The following QRICH2 variants were observed in gnomAD, a reference collection of about 807,000 sequenced individuals.
The protein encoded by QRICH2 is glutamine rich 2, also known as glutamine-rich protein 2.
A neutral mutation model predicts 168.3 loss-of-function variants in QRICH2; 119 were observed. That is an observed-to-expected ratio of 0.71 (90% CI 0.61 to 0.82). QRICH2 has a LOEUF of 0.82. Ranked by LOEUF, QRICH2 falls within the 40% of genes least tolerant of loss-of-function variation. The pLI, the probability that QRICH2 is intolerant of heterozygous loss-of-function variation, is 0.00. For synonymous variants in QRICH2, 894 were observed against 951.2 expected (o/e 0.94, Z 1.11); for missense variants, 2,241 against 2,491.6 (o/e 0.90, Z 2.14).
In QRICH2 at chr17:76,294,812, C is replaced by CAA. The variant is rs35491289; in HGVS notation, c.706-793_706-792dup. ...TGGGTGACAGAGTGAGACTCCTTCT[C>CAA]AAAAAAAAAAAAAAAAGTGTAATTT... On this transcript the variant is annotated intron_variant, in intron 3 of 18. Coordinates refer to ENST00000680821, the MANE Select transcript of QRICH2 (RefSeq NM_001388453.1). Among the ~76,000 whole-genome samples, 593 of 104,032 alleles carry CAA rather than the reference C, an allele frequency of 5.7e-3. 3 individuals carry two copies. Among genetic ancestry groups the CAA allele is most frequent in the African/African-American group, 0.016 (476 of 29,540 alleles). The allele number at this position is 104,032 out of a possible 152,430, so 68.2% of individuals were successfully genotyped here.
chr17:76,289,254 T>C (rs549927643), intron 5 of QRICH2, among the ~76,000 whole-genome samples: 1 of 152,270 alleles, frequency 6.6e-6, no homozygotes, highest in East Asian at 1.9e-4. Context: ...CATGGCGTGA[T>C]CATAGCTTAC....
chr17:76,276,877 G>A (rs1470483632), intron 16 of QRICH2, 110 bp from the exon 17 acceptor site: 7 of 843,150 alleles, frequency 8.3e-6, no homozygotes, highest in East Asian at 2.6e-5. Flanking sequence ...CCTCCTGGGG[G>A]GCTCTGGGAG....
rs1448305136 is a variant in QRICH2 at position 76,280,623 on chromosome 17, C to T, written c.4461+31G>A. ...AACAGTCAGCGAGACCGCCCTGGGA[C>T]ACAGCGTGGCTCCTGGGGCCTGGCA... is the stretch of plus-strand genomic sequence containing the variant. On this transcript the variant is annotated intron_variant, in intron 10 of 18. Transcript: ENST00000680821. The surrounding 1 kb of genome is among the most constrained non-coding windows in gnomAD (Gnocchi z 7.4). 4.3e-6 allele frequency: 7 copies of T among 1,613,104 alleles called. No homozygotes were observed. The highest frequency in any genetic ancestry group is 5.9e-6 in the Non-Finnish European group (7 of 1,179,120).
Position 76,280,716 on chromosome 17 carries a change from C to T in QRICH2, c.4399G>A (p.Gly1467Ser). 1 of 1,614,132 alleles carries T rather than the reference C, an allele frequency of 6.2e-7. No individual in the cohort carries two copies. The highest frequency in any genetic ancestry group is 8.5e-7 in the Non-Finnish European group (1 of 1,180,028). ...TTTTCCTTTTCGAGCTTCTCCAGACCCTGGTACAGCATCTGGGGAGGCCAA... is the reference window on the plus strand; with the variant it reads ...TTTTCCTTTTCGAGCTTCTCCAGACTCTGGTACAGCATCTGGGGAGGCCAA... The part of the protein sequence containing the change: ...KQKDIAMLYQ[G>S]LEKLEKEKAN... The change falls in exon 10 of 19, where the codon GGT (glycine) becomes AGT (serine). Residue 1467 changes from glycine (G) to serine (S), a missense_variant. Coordinates refer to ENST00000680821, the MANE Select transcript of QRICH2 (RefSeq NM_001388453.1). This position sits in a 1 kb window ranked among gnomAD's most constrained non-coding sequence, Gnocchi z 7.4.
At position 76,292,344 on chromosome 17, in the gene QRICH2, C is replaced by T. The variant is rs1482618826; in HGVS notation, c.2383G>A (p.Gly795Ser). 1 of 1,522,716 alleles carries T rather than the reference C, an allele frequency of 6.6e-7. No individual in the cohort carries two copies. The highest frequency in any genetic ancestry group is 1.2e-5 in the South Asian group (1 of 82,238). The allele number at this position is 1,522,716 out of a possible 1,614,324, so 94.3% of individuals were successfully genotyped here. ...TGCACCAAACCACGCTGAACTATAC[C>T]AGGTTGCACCAAACTACGCTGAACT... ...GEVQRSLVQP[G>S]IVQRGLVQPG... is the part of the protein sequence containing the mutation. Residue 795 changes from glycine (G) to serine (S), a missense_variant, in exon 4 of 19, where the codon GGT becomes AGT. Gly to Ser is a moderately conservative substitution (Grantham distance 56). Coordinates refer to ENST00000680821, the MANE Select transcript of QRICH2 (RefSeq NM_001388453.1).
chr17:76,274,386 G>A (rs2070634879), intron 18 of QRICH2, 126 bp from the exon 19 acceptor site: 1 of 1,021,800 alleles, frequency 9.8e-7, no homozygotes. Flanking sequence ...GACACAGGCT[G>A]GAGGGGAGCT....
intron 7 of QRICH2, 134 bp from the exon 8 acceptor site, chr17:76,282,249 T>A: frequency 9.4e-7 from 1 of 1,060,674 alleles, no homozygotes; most frequent in Non-Finnish European, 1.3e-6. Context: ...CCTCAGTGCC[T>A]CCCAGAGCAT....
At position 76,289,988 on chromosome 17, in the gene QRICH2, T is replaced by C. The variant is rs780229235; in HGVS notation, c.3798+4A>G. The C allele has an allele frequency of 1.9e-6, 3 of 1,598,404 alleles. No individual in the cohort carries two copies. The Admixed American group carries it at 5.0e-5, about 27-fold the overall frequency. On this transcript the variant is annotated splice_donor_region_variant and intron_variant, in intron 5 of 18. Coordinates refer to ENST00000680821, the MANE Select transcript of QRICH2 (RefSeq NM_001388453.1). ...AAAGACAAAGTGGGTTGACTCTTCC[T>C]TACTTTTGCTTTCTCCTGCCAAACT...
At chr17:76,299,804 C>T (rs2070865348) in intron 3 of QRICH2, among the ~76,000 whole-genome samples, 1 of 151,942 alleles carries the variant, frequency 6.6e-6, no homozygotes, top group East Asian at 1.9e-4. Flanking sequence ...AAAAAGTGGC[C>T]TCCACTTTCA....
At position 76,275,975 on chromosome 17, in the gene QRICH2, G is replaced by T. The variant is rs376988639; in HGVS notation, c.5354-28C>A. On this transcript the variant is annotated intron_variant, in intron 17 of 18. Coordinates refer to ENST00000680821, the MANE Select transcript of QRICH2 (RefSeq NM_001388453.1). ...GATGGGGGACAGGAGGGAAGGGTCA[G>T]TGCTGAGGCAGCGGTGAGAGCTCTG... 291 of 1,600,864 alleles carry T rather than the reference G, an allele frequency of 1.8e-4. No homozygotes were observed. The African/African-American group carries it at 3.1e-3, about 17-fold the overall frequency.
intron 12 of QRICH2, 98 bp downstream of exon 12, chr17:76,279,935 T>C: frequency 7.1e-7 from 1 of 1,401,506 alleles, no homozygotes; most frequent in Non-Finnish European, 9.6e-7. Context: ...GGATCCGCTG[T>C]GTGCTGGCAG....
intron 1 of QRICH2, among the ~76,000 whole-genome samples, chr17:76,305,847 A>C (rs2070982640): frequency 2.6e-5 from 4 of 152,230 alleles, no homozygotes; most frequent in African/African-American, 9.6e-5. Flanking sequence ...TAACTTTTGC[A>C]AACTTCTAGA....
At chr17:76,277,863 T>TCA (rs892050023) in intron 15 of QRICH2, 126 bp downstream of exon 15, 109 of 1,010,368 alleles carry the variant, frequency 1.1e-4, no homozygotes, top group Admixed American at 2.8e-4. Flanking sequence ...ACACTTTCTC[T>TCA]CACACACACA....
intron 3 of QRICH2, among the ~76,000 whole-genome samples, chr17:76,303,371 G>A (rs1426084730): frequency 1.3e-5 from 2 of 152,148 alleles, no homozygotes; most frequent in Admixed American, 6.6e-5. Context: ...GGCCCTCAAA[G>A]TTGGCTTGCT....
At chr17:76,282,526 C>T (rs1056449777) in intron 7 of QRICH2, among the ~76,000 whole-genome samples, 12 of 152,346 alleles carry the variant, frequency 7.9e-5, no homozygotes, top group African/African-American at 2.4e-4. Context: ...CTTGCACACG[C>T]TCCTGCTCAC....
intron 7 of QRICH2, among the ~76,000 whole-genome samples, chr17:76,284,077 A>C (rs1220690757): frequency 1.5e-5 from 2 of 135,266 alleles, no homozygotes; most frequent in Non-Finnish European, 3.0e-5. Context: ...CTGAGATAGG[A>C]GAATCACTTG....
chr17:76,277,862 C>G, intron 15 of QRICH2, 127 bp downstream of exon 15: 2 of 1,024,992 alleles, frequency 2.0e-6, no homozygotes, highest in South Asian at 1.5e-5. Flanking sequence ...CACACTTTCT[C>G]TCACACACAC....
In QRICH2 at chr17:76,307,289, G is replaced by A. The variant is rs443970; in HGVS notation, c.534+176C>T. 0.53 allele frequency among the ~76,000 whole-genome samples: 80,289 copies of A among 151,760 alleles called. 23,641 individuals carry two copies. Among genetic ancestry groups the A allele is most frequent in the African/African-American group, 0.8 (33,075 of 41,394 alleles). On this transcript the variant is annotated intron_variant, in intron 1 of 18. Coordinates refer to ENST00000680821, the MANE Select transcript of QRICH2 (RefSeq NM_001388453.1). The surrounding 1 kb of genome is among the most constrained non-coding windows in gnomAD (Gnocchi z 5.3). ...GTCTTGCAGCCCCGTGGACTGCAAG[G>A]TAGAGCATGGGCCACTCTATTTAGC...
intron 3 of QRICH2, among the ~76,000 whole-genome samples, chr17:76,298,646 C>T (rs192004009): frequency 8.2e-4 from 125 of 151,998 alleles, no homozygotes; most frequent in African/African-American, 2.8e-3. Flanking sequence ...GACAGAGTCT[C>T]GCTCTGTCGC....
Sources: allele counts gnomAD v4.1 joint callset (sites outside exome capture counted in the v4.1 genomes callset), GRCh38; gene constraint gnomAD v4.1.1; non-coding constraint Gnocchi (gnomAD v3.1); transcripts MANE v1.5; gene names NCBI Gene and HGNC (gene_info 2026-07-23, HGNC 2026-07-21).